Variants in PDE10A observed in about 807,000 individuals in gnomAD.
The protein encoded by PDE10A is phosphodiesterase 10A, also known as cAMP and cAMP-inhibited cGMP 3',5'-cyclic phosphodiesterase 10A.
A neutral mutation model predicts 97.7 loss-of-function variants in PDE10A; 39 were observed. The observed-to-expected ratio is 0.40, with a 90% CI of 0.31 to 0.52. The LOEUF (loss-of-function observed/expected upper bound fraction) is 0.52. Ranked by LOEUF, PDE10A falls within the 20% of genes least tolerant of loss-of-function variation. The pLI is 0.56. For missense variants in PDE10A, 731 were observed against 1,047.8 expected (o/e 0.70, Z 4.17); for synonymous variants, 371 against 376.8 (o/e 0.98, Z 0.18).
intron 3 of PDE10A, among the ~76,000 whole-genome samples, chr6:165,475,797 G>T (rs1022453483): frequency 2.9e-4 from 44 of 152,162 alleles, no homozygotes; most frequent in African/African-American, 1.1e-3. Flanking sequence ...TAAATAAAAT[G>T]GATACAGTCA....
chr6:165,764,975 C>T (rs984790969), intron 1 of PDE10A, among the ~76,000 whole-genome samples: 1 of 152,130 alleles, frequency 6.6e-6, no homozygotes, highest in Non-Finnish European at 1.5e-5. Flanking sequence ...CAAAGGTTCT[C>T]CACATCCCCA....
chr6:165,465,077 T>G (rs1403695037), intron 3 of PDE10A, among the ~76,000 whole-genome samples: 2 of 152,202 alleles, frequency 1.3e-5, no homozygotes, highest in African/African-American at 4.8e-5. Context: ...TTACAAGAAG[T>G]TACCCCCCTT....
At chr6:165,826,483 A>ACGTCCCTCTGTCCG (rs1583154546) in intron 1 of PDE10A, among the ~76,000 whole-genome samples, 1 of 111,164 alleles carries the variant, frequency 9.0e-6, no homozygotes, top group Admixed American at 8.1e-5. Context: ...ACCTGTCCCC[A>ACGTCCCTCTGTCCG]CGTCCCTCTG....
At chr6:165,645,445 G>A (rs1789345758) in intron 1 of PDE10A, among the ~76,000 whole-genome samples, 2 of 152,178 alleles carry the variant, frequency 1.3e-5, no homozygotes, top group African/African-American at 4.8e-5. Context: ...AAGGGAAACT[G>A]AGTACTTCAG....
At chr6:165,415,829 G>C (rs575332656) in intron 12 of PDE10A, among the ~76,000 whole-genome samples, 1 of 152,244 alleles carries the variant, frequency 6.6e-6, no homozygotes, top group South Asian at 2.1e-4. Context: ...TTCTTACTAT[G>C]TGTTGCAGCC....
intron 18 of PDE10A, among the ~76,000 whole-genome samples, chr6:165,375,028 G>A (rs1373346354): frequency 6.6e-6 from 1 of 152,070 alleles, no homozygotes; most frequent in Non-Finnish European, 1.5e-5. Flanking sequence ...TGTGTATTCA[G>A]ACTGCTCCAC....
At chr6:165,501,945 G>A (rs1251913815) in intron 2 of PDE10A, among the ~76,000 whole-genome samples, 1 of 152,158 alleles carries the variant, frequency 6.6e-6, no homozygotes, top group African/African-American at 2.4e-5. Context: ...CATAATGAGA[G>A]ACATGTAAAT....
chr6:165,388,670 C>CT lies in PDE10A; in HGVS notation c.2455-218dup, dbSNP rs1785465816. Among the ~76,000 whole-genome samples, 1 of 152,064 alleles carries CT rather than the reference C, an allele frequency of 6.6e-6. No homozygotes were observed. The highest frequency in any genetic ancestry group is 2.4e-5 in the African/African-American group (1 of 41,398). Reference sequence around the variant, plus strand: ...TGTAGGCCCTTTCTTTGTTTCTCTGCTTAGGAATCTGATAGTCAAATTATT... The same window carrying CT: ...TGTAGGCCCTTTCTTTGTTTCTCTGCTTTAGGAATCTGATAGTCAAATTATT... On this transcript the variant is annotated intron_variant, in intron 16 of 21. Transcript: ENST00000539869. The surrounding 1 kb of genome is among the most constrained non-coding windows in gnomAD (Gnocchi z 4.0).
intron 2 of PDE10A, among the ~76,000 whole-genome samples, chr6:165,534,232 C>T (rs550027361): frequency 8.2e-4 from 124 of 150,752 alleles, no homozygotes; most frequent in Middle Eastern, 3.4e-3. Context: ...CCTGACACGA[C>T]TGTACCAGGA....
At chr6:165,740,316 A>AAGAG (rs60010542) in intron 1 of PDE10A, among the ~76,000 whole-genome samples, 191 of 146,654 alleles carry the variant, frequency 1.3e-3, no homozygotes, top group Middle Eastern at 3.4e-3. Flanking sequence ...TATGGAGAGA[A>AAGAG]AGAGAGAGAG....
At chr6:165,398,828 T>C (rs1359481185) in intron 13 of PDE10A, among the ~76,000 whole-genome samples, 1 of 152,092 alleles carries the variant, frequency 6.6e-6, no homozygotes, top group Non-Finnish European at 1.5e-5. Flanking sequence ...AGATGGTAGA[T>C]TTACACCTAA....
At chr6:165,708,490 G>C (rs73788759) in intron 1 of PDE10A, among the ~76,000 whole-genome samples, 17,394 of 151,866 alleles carry the variant, frequency 0.11, 1,536 homozygotes, top group East Asian at 0.23. Context: ...ACTTCTGGAC[G>C]GATATTTATC....
intron 1 of PDE10A, among the ~76,000 whole-genome samples, chr6:165,643,906 T>G (rs1013664310): frequency 2.6e-5 from 4 of 152,226 alleles, no homozygotes; most frequent in Non-Finnish European, 5.9e-5. Flanking sequence ...CCTGATTTAA[T>G]CATTCCACAA....
chr6:165,336,377 A>T (rs942589151), intron 20 of PDE10A, among the ~76,000 whole-genome samples, 166 bp from the exon 21 acceptor site: 2 of 152,236 alleles, frequency 1.3e-5, no homozygotes, highest in African/African-American at 4.8e-5. Flanking sequence ...ACTATTATAG[A>T]CTGTATTTTA....
intron 3 of PDE10A, among the ~76,000 whole-genome samples, chr6:165,461,647 A>G (rs1050933297): frequency 7.2e-5 from 11 of 152,218 alleles, no homozygotes; most frequent in African/African-American, 2.4e-4. Context: ...TAGAAGTAGA[A>G]TGCACCCTTT....
At chr6:165,547,732 T>C (rs557813502) in intron 1 of PDE10A, among the ~76,000 whole-genome samples, 11 of 152,310 alleles carry the variant, frequency 7.2e-5, no homozygotes, top group African/African-American at 2.2e-4. Flanking sequence ...ATGAAAAGGA[T>C]TGACACCTTT....
chr6:165,615,695 ATAAT>A (rs1327882756), intron 1 of PDE10A, among the ~76,000 whole-genome samples: 5 of 152,246 alleles, frequency 3.3e-5, no homozygotes, highest in African/African-American at 1.2e-4. Context: ...GTCAGTTTAG[ATAAT>A]TAATTTTACT....
At chr6:165,764,176 G>C (rs1793319353) in intron 1 of PDE10A, among the ~76,000 whole-genome samples, 1 of 152,318 alleles carries the variant, frequency 6.6e-6, no homozygotes, top group South Asian at 2.1e-4. Context: ...GGCAGACCTG[G>C]GGCCTGAGTC....
chr6:165,500,021 A>C (rs796766092), intron 2 of PDE10A, among the ~76,000 whole-genome samples: 7 of 152,340 alleles, frequency 4.6e-5, no homozygotes, highest in Admixed American at 1.3e-4. Context: ...TTTCCTACTA[A>C]GATGGAGAAC....
Sources: allele counts gnomAD v4.1 joint callset (sites outside exome capture counted in the v4.1 genomes callset), GRCh38; gene constraint gnomAD v4.1.1; non-coding constraint Gnocchi (gnomAD v3.1); transcripts MANE v1.5; gene names NCBI Gene and HGNC (gene_info 2026-07-23, HGNC 2026-07-21).